CCSER1: variants seen among roughly 807,000 people sequenced by gnomAD.
The protein encoded by CCSER1 is serine-rich coiled-coil domain-containing protein 1.
A neutral mutation model predicts 82.0 loss-of-function variants in CCSER1; 41 were observed. The ratio of observed to expected loss-of-function variants is 0.50; its 90% confidence interval spans 0.39 to 0.65. The LOEUF is 0.65. Ranked by LOEUF, CCSER1 falls within the 30% of genes least tolerant of loss-of-function variation. CCSER1 has a pLI of 0.00. For synonymous variants in CCSER1, 414 were observed against 383.9 expected (o/e 1.08, Z -0.92); for missense variants, 1,119 against 1,064.2 (o/e 1.05, Z -0.72).
chr4:91,446,844 C>T (rs1755597460), intron 10 of CCSER1, among the ~76,000 whole-genome samples: 1 of 151,678 alleles, frequency 6.6e-6, no homozygotes, highest in African/African-American at 2.4e-5. Context: ...ATGATGTCTA[C>T]AGCAGGTATT....
rs148061208 is a variant in CCSER1, at chr4:90,163,330, G to A, written c.-42+35499G>A. Among the ~76,000 whole-genome samples, 297 of 152,054 alleles carry A rather than the reference G, an allele frequency of 2.0e-3. 5 individuals are homozygous for A. The highest frequency in any genetic ancestry group is 5.6e-3 in the East Asian group (29 of 5,170). ...CAGATAGCTTATGTAGAAATAGAAC[G>A]CCATTCTTAAATAGGTCAGAATTAG... On this transcript the variant is annotated intron_variant, in intron 1 of 10. Transcript: ENST00000509176.
At chr4:90,553,437 A>T (rs1777762026) in intron 5 of CCSER1, among the ~76,000 whole-genome samples, 1 of 152,248 alleles carries the variant, frequency 6.6e-6, no homozygotes, top group Non-Finnish European at 1.5e-5. Context: ...AGAAAAACTG[A>T]TAAATTACTT....
chr4:90,144,791 A>G (rs1225702019), intron 1 of CCSER1, among the ~76,000 whole-genome samples: 1 of 152,126 alleles, frequency 6.6e-6, no homozygotes, highest in East Asian at 1.9e-4. Context: ...TATGTAAATT[A>G]TTTTATTCTA....
chr4:90,371,404 A>G (rs77537971), intron 3 of CCSER1, among the ~76,000 whole-genome samples: 2,213 of 152,228 alleles, frequency 0.015, 73 homozygotes, highest in African/African-American at 0.05. Flanking sequence ...ATATATTGCT[A>G]TGCCTTAAGA....
intron 6 of CCSER1, among the ~76,000 whole-genome samples, chr4:90,646,355 A>T (rs1579684532): frequency 6.6e-6 from 1 of 152,154 alleles, no homozygotes; most frequent in Admixed American, 6.6e-5. Flanking sequence ...GTGCAAGTAC[A>T]CAAGTGCCTA....
chr4:91,515,896 A>G (rs1005894133), intron 10 of CCSER1, among the ~76,000 whole-genome samples: 5 of 146,238 alleles, frequency 3.4e-5, no homozygotes, highest in Non-Finnish European at 7.5e-5. Flanking sequence ...TCTTAATAAT[A>G]GCCATTCTAA....
intron 10 of CCSER1, among the ~76,000 whole-genome samples, chr4:91,099,805 C>CT (rs1408143843): frequency 6.6e-6 from 1 of 152,082 alleles, no homozygotes; most frequent in Non-Finnish European, 1.5e-5. Flanking sequence ...GACCAAGGTT[C>CT]TTTTGAGGTC....
intron 4 of CCSER1, among the ~76,000 whole-genome samples, chr4:90,447,142 A>C (rs963644143): frequency 1.3e-5 from 2 of 152,204 alleles, no homozygotes; most frequent in African/African-American, 4.8e-5. Context: ...AAGAGTTAAC[A>C]ACCCTGTATT....
chr4:90,423,893 GGA>G (rs1374640756), intron 4 of CCSER1, among the ~76,000 whole-genome samples: 4 of 151,698 alleles, frequency 2.6e-5, no homozygotes, highest in Admixed American at 1.3e-4. Flanking sequence ...CACCGGGTCA[GGA>G]GATCGAAACC....
chr4:90,719,958 T>G (rs1229993355), intron 6 of CCSER1, among the ~76,000 whole-genome samples: 2 of 152,174 alleles, frequency 1.3e-5, no homozygotes, highest in African/African-American at 4.8e-5. Flanking sequence ...GTCTCGTCTA[T>G]TTATTTGTTG....
rs552901915 is a variant in CCSER1 at position 90,363,882 on chromosome 4, A to G, written c.1510-36154A>G. Among the ~76,000 whole-genome samples the G allele has an allele frequency of 3.9e-5, 6 of 152,232 alleles. No individual in the cohort carries two copies. In the South Asian group the frequency reaches 6.2e-4, roughly 16 times the overall value. On this transcript the variant is annotated intron_variant, in intron 3 of 10. Coordinates refer to ENST00000509176, the MANE Select transcript of CCSER1 (RefSeq NM_001145065.2). ...AGATACATGTTCATTCTGCAAAAAG[A>G]TGGGATTATATTCTGTAATGTAAAG...
chr4:90,510,187 C>T (rs1771289023), intron 5 of CCSER1, among the ~76,000 whole-genome samples: 1 of 152,056 alleles, frequency 6.6e-6, no homozygotes, highest in African/African-American at 2.4e-5. Flanking sequence ...GAAAAATATT[C>T]CATTACCAAT....
chr4:90,675,232 A>G (rs1733610487), intron 6 of CCSER1, among the ~76,000 whole-genome samples: 1 of 152,078 alleles, frequency 6.6e-6, no homozygotes, highest in African/African-American at 2.4e-5. Context: ...TAGTCAATAA[A>G]TATCAACTAT....
At chr4:91,588,367 A>G (rs1367013241) in intron 10 of CCSER1, among the ~76,000 whole-genome samples, 2 of 151,682 alleles carry the variant, frequency 1.3e-5, no homozygotes, top group Non-Finnish European at 3.0e-5. Flanking sequence ...CTATTATTAA[A>G]TAAGCCTCTT....
At chr4:91,186,904 C>T (rs1183312804) in intron 10 of CCSER1, among the ~76,000 whole-genome samples, 1 of 152,206 alleles carries the variant, frequency 6.6e-6, no homozygotes, top group Non-Finnish European at 1.5e-5. Flanking sequence ...TTCCTGTAAA[C>T]CCACAATCTT....
intron 5 of CCSER1, among the ~76,000 whole-genome samples, chr4:90,594,440 G>A (rs1300616125): frequency 3.9e-5 from 6 of 152,020 alleles, no homozygotes; most frequent in Non-Finnish European, 8.8e-5. Context: ...TGATTCTAGT[G>A]CCCATATCTT....
chr4:91,018,457 A>G (rs948988780), intron 9 of CCSER1, among the ~76,000 whole-genome samples: 11 of 152,128 alleles, frequency 7.2e-5, no homozygotes. Flanking sequence ...ACTTCAAGTT[A>G]CCATAATCCA....
At chr4:90,379,371 A>G (rs1430446798) in intron 3 of CCSER1, among the ~76,000 whole-genome samples, 2 of 152,224 alleles carry the variant, frequency 1.3e-5, no homozygotes, top group Non-Finnish European at 2.9e-5. Flanking sequence ...GGAGGCTGTA[A>G]TATAGAGGTT....
intron 5 of CCSER1, among the ~76,000 whole-genome samples, chr4:90,528,467 A>G (rs1268358302): frequency 1.3e-5 from 2 of 152,164 alleles, no homozygotes; most frequent in Non-Finnish European, 2.9e-5. Flanking sequence ...TTGTGTTCCA[A>G]TGCTTTGGTG....
Sources: allele counts gnomAD v4.1 joint callset (sites outside exome capture counted in the v4.1 genomes callset), GRCh38; gene constraint gnomAD v4.1.1; transcripts MANE v1.5; gene names NCBI Gene and HGNC (gene_info 2026-07-23, HGNC 2026-07-21).